The following IGSF3 variants were observed in gnomAD, a reference collection of about 807,000 sequenced individuals.
IGSF3 encodes glu-Trp-Ile EWI motif-containing protein 3.
In IGSF3, 23 loss-of-function variants were observed where a neutral mutation model predicts 114.4. The ratio of observed to expected loss-of-function variants is 0.20; its 90% CI spans 0.14 to 0.28. IGSF3 has a LOEUF of 0.28. IGSF3 is among the 10% of genes least tolerant of loss of function. IGSF3 has a pLI of 1.00. For missense variants in IGSF3, 1,172 were observed against 1,591.5 expected, an observed-to-expected ratio of 0.74 and a Z score of 4.48; for synonymous variants, 571 against 645.2, an observed-to-expected ratio of 0.88 and a Z score of 1.74.
In IGSF3 at chr1:116,613,931, G is replaced by A. The variant is rs1358541070; in HGVS notation, c.666C>T (p.Asp222=). 5.0e-6 allele frequency: 8 copies of A among 1,613,724 alleles called. No individual in the cohort carries two copies. In the African/African-American group the frequency reaches 6.7e-5, roughly 13 times the overall value. The part of the protein sequence containing the change: ...QRQSLGEVRL[D]KLGRTTFRLT... ...GGCGGAAGGTGGTCCTCCCCAGCTTGTCCAGCCGCACCTCCCCCAGGCTCT... is the reference window on the plus strand; with the variant it reads ...GGCGGAAGGTGGTCCTCCCCAGCTTATCCAGCCGCACCTCCCCCAGGCTCT... The change falls in exon 4 of 11, where the codon GAC becomes GAT. Residue 222 remains aspartate (D), a synonymous_variant. Transcript: ENST00000369486.
rs1286824267 is a variant in IGSF3, at chr1:116,613,952, G to A, written c.645C>T (p.Ser215=). Residue 215 remains serine, a synonymous_variant, in exon 4 of 11, where the codon AGC becomes AGT. Transcript: ENST00000369486. ...HSSSEYAQRQ[S]LGEVRLDKLG... ...GCTTGTCCAGCCGCACCTCCCCCAG[G>A]CTCTGCCTCTGGGCATATTCGCTGC... is the stretch of plus-strand genomic sequence containing the variant. 1.2e-6 allele frequency: 2 copies of A among 1,613,806 alleles called. No individual in the cohort carries two copies. Among genetic ancestry groups the A allele is most frequent in the Non-Finnish European group, 1.7e-6 (2 of 1,179,844 alleles).
rs1172878345 is a variant in IGSF3 at position 116,574,466 on chromosome 1, C to T, written c.*2846G>A. 6.6e-6 allele frequency: 1 copy of T among 152,628 alleles called. No homozygotes were observed. Among genetic ancestry groups the T allele is most frequent in the Non-Finnish European group, 1.5e-5 (1 of 68,034 alleles). The allele number at this position is 152,628 out of a possible 1,614,324, so 9.5% of individuals were successfully genotyped here. A position where few individuals can be genotyped will look rare whatever the true frequency, so the allele number is the denominator to read the frequency against. ...GTGTATATAAAATGTTTTAGTGCAA[C>T]ATCTTACAAATAGTTTTCCTTTAAA... On this transcript the variant is annotated 3_prime_UTR_variant, in exon 11 of 11. Coordinates refer to ENST00000369486, the MANE Select transcript of IGSF3 (RefSeq NM_001007237.3). The surrounding 1 kb of genome is among the most constrained non-coding windows in gnomAD (Gnocchi z 5.2).
Position 116,575,207 on chromosome 1 carries a change from A to G in IGSF3, c.*2105T>C, listed in dbSNP as rs903596330. The G allele has an allele frequency of 6.5e-6, 1 of 152,768 alleles. No individual in the cohort carries two copies. The highest frequency in any genetic ancestry group is 2.1e-4 in the South Asian group (1 of 4,824). 9.5% of individuals were successfully genotyped at this position (152,768 alleles called of 1,614,324 possible). A position where few individuals can be genotyped will look rare whatever the true frequency, so the allele number is the denominator to read the frequency against. ...CCCACTGAAAGCCCACATCTCTGAAATAAAGAAATGGGGCAAAAGACCTTC... is the reference window on the plus strand; with the variant it reads ...CCCACTGAAAGCCCACATCTCTGAAGTAAAGAAATGGGGCAAAAGACCTTC... On this transcript the variant is annotated 3_prime_UTR_variant, in exon 11 of 11. Transcript: ENST00000369486. This position sits in a 1 kb window ranked among gnomAD's most constrained non-coding sequence, Gnocchi z 5.6.
chr1:116,607,039 T>A lies in IGSF3; in HGVS notation c.1222+903A>T, dbSNP rs971280672. On this transcript the variant is annotated intron_variant, in intron 5 of 10. Transcript: ENST00000369486. The surrounding 1 kb of genome is among the most constrained non-coding windows in gnomAD (Gnocchi z 6.1). ...GAAATATTTTAAATATTAAAACATA[T>A]AAATAAAAAGTAAAGGAAATTATTA... Among the ~76,000 whole-genome samples the A allele has an allele frequency of 4.6e-5, 7 of 151,978 alleles. No individual in the cohort carries two copies. Among genetic ancestry groups the A allele is most frequent in the Admixed American group, 2.0e-4 (3 of 15,256 alleles).
At chr1:116,621,123 A>G (rs1378565393) in intron 2 of IGSF3, among the ~76,000 whole-genome samples, 1 of 151,040 alleles carries the variant, frequency 6.6e-6, no homozygotes, top group African/African-American at 2.4e-5. Flanking sequence ...AGTGTGTGGC[A>G]CCTCCCCCCT....
At chr1:116,602,043 T>C (rs1660613592) in intron 6 of IGSF3, among the ~76,000 whole-genome samples, 3 of 152,242 alleles carry the variant, frequency 2.0e-5, no homozygotes, top group African/African-American at 7.2e-5. Flanking sequence ...TGAAAATTCA[T>C]GTGTGTCATT....
At chr1:116,637,029 C>T (rs1327528779) in intron 2 of IGSF3, among the ~76,000 whole-genome samples, 2 of 152,124 alleles carry the variant, frequency 1.3e-5, no homozygotes, top group African/African-American at 2.4e-5. Flanking sequence ...GATTCATTTA[C>T]AAATCGACTT....
At chr1:116,604,357 A>G (rs964763190) in intron 5 of IGSF3, among the ~76,000 whole-genome samples, 7 of 152,222 alleles carry the variant, frequency 4.6e-5, no homozygotes, top group Non-Finnish European at 1.0e-4. Context: ...TGGGTAATCT[A>G]TTCAGCTGGA....
chr1:116,643,431 C>CGACAG (rs1335328637), intron 2 of IGSF3, among the ~76,000 whole-genome samples: 1 of 152,230 alleles, frequency 6.6e-6, no homozygotes, highest in Non-Finnish European at 1.5e-5. Flanking sequence ...CTCACTCCTC[C>CGACAG]GACAGTCGTT....
At position 116,596,114 on chromosome 1, in the gene IGSF3, T is replaced by C. The variant is rs1250404692; in HGVS notation, c.2029+3827A>G. Among the ~76,000 whole-genome samples the C allele has an allele frequency of 6.6e-6, 1 of 152,088 alleles. No homozygotes were observed. Among genetic ancestry groups the C allele is most frequent in the Admixed American group, 6.5e-5 (1 of 15,272 alleles). On this transcript the variant is annotated intron_variant, in intron 7 of 10. Transcript: ENST00000369486. This position sits in a 1 kb window ranked among gnomAD's most constrained non-coding sequence, Gnocchi z 4.1. ...CCAGAGATTCTGATGAATACTGATATGGGGGCAGGATCAGCAGGTGGCTCC... is the reference window on the plus strand; with the variant it reads ...CCAGAGATTCTGATGAATACTGATACGGGGGCAGGATCAGCAGGTGGCTCC...
chr1:116,641,473 G>T (rs1352946432), intron 2 of IGSF3, among the ~76,000 whole-genome samples: 2 of 120,912 alleles, frequency 1.7e-5, no homozygotes, highest in Non-Finnish European at 3.2e-5. Context: ...TCTAGCATGG[G>T]CAACAGGGCA....
chr1:116,624,727 A>G lies in IGSF3; in HGVS notation c.44-8270T>C, dbSNP rs1571169302. Reference sequence around the variant, plus strand: ...GCAGGAAGTCACTGTGTGGCTTCCAATCCTAGGTCATGGAAAGTGATGTAG... The same window carrying G: ...GCAGGAAGTCACTGTGTGGCTTCCAGTCCTAGGTCATGGAAAGTGATGTAG... On this transcript the variant is annotated intron_variant, in intron 2 of 10. Coordinates refer to ENST00000369486, the MANE Select transcript of IGSF3 (RefSeq NM_001007237.3). The surrounding 1 kb of genome is among the most constrained non-coding windows in gnomAD (Gnocchi z 4.9). 6.6e-6 allele frequency among the ~76,000 whole-genome samples: 1 copy of G among 152,184 alleles called. No individual in the cohort carries two copies. The highest frequency in any genetic ancestry group is 1.5e-5 in the Non-Finnish European group (1 of 68,030).
In IGSF3 at chr1:116,654,841, TAA is replaced by T. The variant is rs1648781723; in HGVS notation, c.43+11441_43+11442del. ...TGGGATATTTGTGTATTTTCAAGAA[TAA>T]AAGTTTGCCCTTTAGCCTCCTCAGA... is the stretch of plus-strand genomic sequence containing the variant. On this transcript the variant is annotated intron_variant, in intron 2 of 10. Coordinates refer to ENST00000369486, the MANE Select transcript of IGSF3 (RefSeq NM_001007237.3). This position sits in a 1 kb window ranked among gnomAD's most constrained non-coding sequence, Gnocchi z 4.4. 6.6e-6 allele frequency among the ~76,000 whole-genome samples: 1 copy of T among 152,142 alleles called. No individual in the cohort carries two copies. Among genetic ancestry groups the T allele is most frequent in the Non-Finnish European group, 1.5e-5 (1 of 68,018 alleles).
At position 116,603,507 on chromosome 1, in the gene IGSF3, G is replaced by T; in HGVS notation, c.1624+117C>A. ...AAGGAAAGTACTTCAAACTCTATAG[G>T]TAAAAGACTGGCCATAGTTTCCTGC... is the stretch of plus-strand genomic sequence containing the variant. On this transcript the variant is annotated intron_variant, in intron 6 of 10. Coordinates refer to ENST00000369486, the MANE Select transcript of IGSF3 (RefSeq NM_001007237.3). This position sits in a 1 kb window ranked among gnomAD's most constrained non-coding sequence, Gnocchi z 7.1. The T allele has an allele frequency of 1.0e-6, 1 of 978,938 alleles. No individual in the cohort carries two copies. Among genetic ancestry groups the T allele is most frequent in the East Asian group, 2.4e-5 (1 of 41,674 alleles). The allele number at this position is 978,938 out of a possible 1,614,324, so 60.6% of individuals were successfully genotyped here.
Position 116,600,818 on chromosome 1 carries a change from A to C in IGSF3, c.1625-473T>G, listed in dbSNP as rs1486805729. Among the ~76,000 whole-genome samples, 2 of 152,178 alleles carry C rather than the reference A, an allele frequency of 1.3e-5. No individual in the cohort carries two copies. The highest frequency in any genetic ancestry group is 2.9e-5 in the Non-Finnish European group (2 of 68,028). ...GCGCACTGGTGCCGAGAAGGGAAGC[A>C]GATGGAGTCGGCCTCCAGTCCCTTT... is the stretch of plus-strand genomic sequence containing the variant. On this transcript the variant is annotated intron_variant, in intron 6 of 10. Coordinates refer to ENST00000369486, the MANE Select transcript of IGSF3 (RefSeq NM_001007237.3). The surrounding 1 kb of genome is among the most constrained non-coding windows in gnomAD (Gnocchi z 5.5).
Position 116,592,297 on chromosome 1 carries a change from G to A in IGSF3, c.2030-3193C>T, listed in dbSNP as rs1660146983. Among the ~76,000 whole-genome samples the A allele has an allele frequency of 2.0e-5, 3 of 152,216 alleles. No individual in the cohort carries two copies. The highest frequency in any genetic ancestry group is 7.2e-5 in the African/African-American group (3 of 41,456). ...TGCAGACGTGAAAGAAAAGAGTGAG[G>A]CTTGGTTAACCCCCAACAGTGAATT... On this transcript the variant is annotated intron_variant, in intron 7 of 10. Transcript: ENST00000369486. The surrounding 1 kb of genome is among the most constrained non-coding windows in gnomAD (Gnocchi z 4.5).
chr1:116,600,310 G>A lies in IGSF3; in HGVS notation c.1660C>T (p.Pro554Ser). 1.2e-6 allele frequency: 2 copies of A among 1,611,682 alleles called. No individual in the cohort carries two copies. Among genetic ancestry groups the A allele is most frequent in the Non-Finnish European group, 1.7e-6 (2 of 1,178,618 alleles). ...GFAVTAISRT[P>S]GVTYSDSFDL... ...AAGGAGTCGCTGTAGGTCACCCCCG[G>A]TGTCCGGGAGATGGCTGTGACTGCG... Residue 554 changes from proline (P) to serine (S), a missense_variant, in exon 7 of 11, where the codon CCG (proline) becomes TCG (serine). Around this residue, in one of 3 missense-constraint regions of IGSF3, gnomAD observed 736 missense variants for 1,042.0 expected, o/e 0.71. Transcript: ENST00000369486. This position sits in a 1 kb window ranked among gnomAD's most constrained non-coding sequence, Gnocchi z 5.5.
At chr1:116,652,105 C>G (rs116798444) in intron 2 of IGSF3, among the ~76,000 whole-genome samples, 4,509 of 152,242 alleles carry the variant, frequency 0.03, 86 homozygotes, top group African/African-American at 0.062. Context: ...ATTTCTGATA[C>G]TGATGATATA....
rs1647744426 is a variant in IGSF3, at chr1:116,634,756, G to C, written c.44-18299C>G. ...TCTCCCTGAATCTAGGTGGGCTACA[G>C]CTCTGGTAGAAGTGACACTCTGTGA... On this transcript the variant is annotated intron_variant, in intron 2 of 10. Transcript: ENST00000369486. The surrounding 1 kb of genome is among the most constrained non-coding windows in gnomAD (Gnocchi z 4.2). 6.6e-6 allele frequency among the ~76,000 whole-genome samples: 1 copy of C among 152,132 alleles called. No homozygotes were observed. Among genetic ancestry groups the C allele is most frequent in the Admixed American group, 6.5e-5 (1 of 15,270 alleles).
Sources: gnomAD v4.1 joint callset for allele counts (sites outside exome capture counted in the v4.1 genomes callset) on GRCh38, gnomAD v4.1.1 for gene constraint, gnomAD v4.1.1 regional missense constraint, Gnocchi (gnomAD v3.1) non-coding constraint, MANE v1.5 for transcripts, NCBI Gene and HGNC (gene_info 2026-07-23, HGNC 2026-07-21) for gene names.